The following LRRC28 variants were observed in gnomAD, a reference collection of about 807,000 sequenced individuals.
LRRC28 encodes the protein leucine rich repeat containing 28.
LRRC28 carries 39 observed loss-of-function variants against 45.7 expected under a neutral mutation model. That is an observed-to-expected ratio of 0.85 (90% CI 0.66 to 1.12). The LOEUF is 1.12. Ranked by LOEUF, LRRC28 falls within the 50% of genes most tolerant of loss-of-function variation. LRRC28 has a pLI of 0.00. For missense variants in LRRC28, 435 were observed against 438.5 expected (o/e 0.99, Z 0.07); for synonymous variants, 206 against 178.8 (o/e 1.15, Z -1.22).
intron 5 of LRRC28, among the ~76,000 whole-genome samples, chr15:99,330,611 C>T (rs765757345): frequency 1.3e-5 from 2 of 152,060 alleles, no homozygotes; most frequent in South Asian, 4.2e-4. Context: ...CCTATTTGTG[C>T]CTTTGAATCT....
intron 5 of LRRC28, among the ~76,000 whole-genome samples, chr15:99,292,434 G>A (rs915616926): frequency 7.0e-6 from 1 of 143,562 alleles, no homozygotes; most frequent in Non-Finnish European, 1.5e-5. Context: ...GTGCAATCTC[G>A]GCTCACTGCA....
intron 6 of LRRC28, chr15:99,338,253 T>C (rs551852914): frequency 3.3e-5 from 5 of 150,780 alleles, no homozygotes; most frequent in African/African-American, 1.2e-4. Flanking sequence ...GTTCTGTGTT[T>C]AGGAAGAAAA....
chr15:99,278,268 G>A (rs1597214287), intron 3 of LRRC28, among the ~76,000 whole-genome samples: 1 of 152,194 alleles, frequency 6.6e-6, no homozygotes, highest in East Asian at 1.9e-4. Context: ...AATTTTTTAA[G>A]ACCGAATTTC....
chr15:99,381,598 G>A (rs1040880758), intron 9 of LRRC28, among the ~76,000 whole-genome samples: 8 of 152,246 alleles, frequency 5.3e-5, no homozygotes, highest in Admixed American at 3.3e-4. Context: ...TTTGGAGGGG[G>A]AGAGGTGCTC....
chr15:99,258,379 A>G, intron 2 of LRRC28: 1 of 1,149,190 alleles, frequency 8.7e-7, no homozygotes, highest in South Asian at 1.3e-5. Flanking sequence ...TCTTAAAAGA[A>G]AAAGCATTTG....
intron 5 of LRRC28, among the ~76,000 whole-genome samples, chr15:99,328,042 T>C (rs1956041142): frequency 6.6e-6 from 1 of 152,240 alleles, no homozygotes; most frequent in Admixed American, 6.5e-5. Flanking sequence ...GTTGTTGATT[T>C]CTAATTTAGT....
intron 5 of LRRC28, among the ~76,000 whole-genome samples, chr15:99,309,830 G>A (rs933346835): frequency 6.6e-6 from 1 of 152,332 alleles, no homozygotes; most frequent in East Asian, 1.9e-4. Context: ...AGTGCAGGGT[G>A]GGGAGTCTGG....
intron 5 of LRRC28, among the ~76,000 whole-genome samples, chr15:99,320,197 T>G (rs1417838585): frequency 6.6e-6 from 1 of 152,340 alleles, no homozygotes; most frequent in African/African-American, 2.4e-5. Context: ...ATTGCTAATA[T>G]AATTTTTTTA....
At chr15:99,331,585 C>A (rs1403953278) in intron 5 of LRRC28, among the ~76,000 whole-genome samples, 1 of 152,136 alleles carries the variant, frequency 6.6e-6, no homozygotes, top group African/African-American at 2.4e-5. Flanking sequence ...AAAAAACATC[C>A]TTTCATCCTT....
At chr15:99,326,092 C>G (rs1387699470) in intron 5 of LRRC28, among the ~76,000 whole-genome samples, 1 of 151,942 alleles carries the variant, frequency 6.6e-6, no homozygotes, top group Non-Finnish European at 1.5e-5. Flanking sequence ...TTATGGGGCC[C>G]TCACCTACCT....
chr15:99,324,473 C>G (rs2152281745), intron 5 of LRRC28, among the ~76,000 whole-genome samples: 1 of 152,196 alleles, frequency 6.6e-6, no homozygotes, highest in South Asian at 2.1e-4. Context: ...AATATCAAGT[C>G]TGTCATTGAC....
At chr15:99,292,766 G>A (rs1173700711) in intron 5 of LRRC28, among the ~76,000 whole-genome samples, 1 of 152,214 alleles carries the variant, frequency 6.6e-6, no homozygotes. Flanking sequence ...CTTGTCTGTG[G>A]CAGATTTCTT....
chr15:99,288,441 G>C (rs1016034435), intron 5 of LRRC28, among the ~76,000 whole-genome samples: 5 of 135,180 alleles, frequency 3.7e-5, no homozygotes, highest in Non-Finnish European at 6.1e-5. Flanking sequence ...GAGTGCAGTG[G>C]CACAATCTCA....
intron 9 of LRRC28, among the ~76,000 whole-genome samples, chr15:99,368,202 T>C (rs1257728431): frequency 6.6e-6 from 1 of 152,134 alleles, no homozygotes; most frequent in East Asian, 1.9e-4. Context: ...GTTCAAAATC[T>C]CATCTTAAAT....
chr15:99,257,362 G>A (rs940170247), intron 2 of LRRC28, among the ~76,000 whole-genome samples: 1 of 152,084 alleles, frequency 6.6e-6, no homozygotes, highest in African/African-American at 2.4e-5. Context: ...ACGAGAAGTG[G>A]TATAAGAAAT....
At chr15:99,271,774 T>A (rs954022293) in intron 2 of LRRC28, among the ~76,000 whole-genome samples, 1 of 152,146 alleles carries the variant, frequency 6.6e-6, no homozygotes, top group Non-Finnish European at 1.5e-5. Flanking sequence ...TTTTTTTGTA[T>A]TTTTAGTAGA....
At chr15:99,320,362 C>T (rs1416997222) in intron 5 of LRRC28, among the ~76,000 whole-genome samples, 1 of 152,066 alleles carries the variant, frequency 6.6e-6, no homozygotes, top group Non-Finnish European at 1.5e-5. Flanking sequence ...TAGCAAGCCT[C>T]TTATAATATG....
At chr15:99,383,328 G>T (rs1472576599) in intron 9 of LRRC28, among the ~76,000 whole-genome samples, 1 of 152,176 alleles carries the variant, frequency 6.6e-6, no homozygotes, top group Non-Finnish European at 1.5e-5. Context: ...CCAGCACTGC[G>T]TTGTTCCTCA....
chr15:99,325,183 T>A (rs569412922), intron 5 of LRRC28, among the ~76,000 whole-genome samples: 1 of 152,342 alleles, frequency 6.6e-6, no homozygotes, highest in Non-Finnish European at 1.5e-5. Flanking sequence ...TATAATTTTT[T>A]TTGGTGCTGT....
Sources: gnomAD v4.1 joint callset for allele counts (sites outside exome capture counted in the v4.1 genomes callset) on GRCh38, gnomAD v4.1.1 for gene constraint, MANE v1.5 for transcripts, NCBI Gene and HGNC (gene_info 2026-07-23, HGNC 2026-07-21) for gene names.